The following RAB11FIP4 variants were observed in gnomAD, a reference collection of about 807,000 sequenced individuals.
RAB11FIP4 encodes rab11 family-interacting protein 4.
A neutral mutation model predicts 74.3 loss-of-function variants in RAB11FIP4; 23 were observed. That is an observed-to-expected ratio of 0.31 (90% CI 0.22 to 0.44). RAB11FIP4 has a LOEUF of 0.44. RAB11FIP4 is among the 20% of genes least tolerant of loss of function. The pLI is 1.00. For missense variants in RAB11FIP4, 630 were observed against 863.9 expected, an observed-to-expected ratio of 0.73 and a Z score of 3.39; for synonymous variants, 360 against 359.9, an observed-to-expected ratio of 1.00 and a Z score of 0.00.
At chr17:31,510,335 C>A (rs544196156) in intron 3 of RAB11FIP4, among the ~76,000 whole-genome samples, 3 of 152,364 alleles carry the variant, frequency 2.0e-5, no homozygotes. Flanking sequence ...CTCCCCTACA[C>A]TAGGCTTAGT....
At chr17:31,504,840 T>G (rs73988073) in intron 3 of RAB11FIP4, among the ~76,000 whole-genome samples, 29,832 of 152,014 alleles carry the variant, frequency 0.2, 3,198 homozygotes, top group East Asian at 0.51. Context: ...TGTCTCTCAG[T>G]TAATCTAGAA....
chr17:31,521,861 G>A (rs1180246794), intron 5 of RAB11FIP4, 54 bp from the exon 6 acceptor site: 20 of 1,607,178 alleles, frequency 1.2e-5, no homozygotes, highest in Non-Finnish European at 1.6e-5. Context: ...GGGTGGTGTA[G>A]GGCACCAGAC....
chr17:31,431,130 G>A (rs1049313573), intron 1 of RAB11FIP4, among the ~76,000 whole-genome samples: 1 of 152,174 alleles, frequency 6.6e-6, no homozygotes, highest in Admixed American at 6.5e-5. Flanking sequence ...CAGCTATTAG[G>A]GGTGGTGAAG....
At chr17:31,501,082 T>C (rs2072211636) in intron 3 of RAB11FIP4, among the ~76,000 whole-genome samples, 1 of 152,032 alleles carries the variant, frequency 6.6e-6, no homozygotes, top group South Asian at 2.1e-4. Flanking sequence ...GTTTATAGAA[T>C]GCCATCCTGA....
chr17:31,455,972 T>C lies in RAB11FIP4; in HGVS notation c.336+21850T>C, dbSNP rs375606761. Among the ~76,000 whole-genome samples the C allele has an allele frequency of 7.2e-5, 11 of 152,322 alleles. No homozygotes were observed. In the East Asian group the frequency reaches 1.2e-3, roughly 16 times the overall value. ...AGAGGCTCAGCTCTGACATGTGATA[T>C]CGGAGAAAGTCAGTCATCTTCAGCA... On this transcript the variant is annotated intron_variant, in intron 3 of 14. Transcript: ENST00000621161.
chr17:31,391,729 CG>C lies in RAB11FIP4; in HGVS notation c.-121del. The stretch of plus-strand genomic sequence containing the variant: ...GACACGGATCGGCCGCGGCCGCCAC[CG>C]GGCGGAGGCTGCGCGGCGCAGACCC... On this transcript the variant is annotated 5_prime_UTR_variant, in exon 1 of 15. Transcript: ENST00000621161. 3 of 741,994 alleles carry C rather than the reference CG, an allele frequency of 4.0e-6. No individual in the cohort carries two copies. Among genetic ancestry groups the C allele is most frequent in the Non-Finnish European group, 4.9e-6 (3 of 608,944 alleles). 46.0% of individuals were successfully genotyped at this position (741,994 alleles called of 1,614,324 possible).
intron 6 of RAB11FIP4, 88 bp from the exon 7 acceptor site, chr17:31,522,272 C>T (rs1471302303): frequency 7.0e-7 from 1 of 1,422,732 alleles, no homozygotes; most frequent in Admixed American, 1.8e-5. Flanking sequence ...AGAGCCTTGT[C>T]CTGCACTGTG....
At chr17:31,434,190 C>A in intron 3 of RAB11FIP4, 68 bp downstream of exon 3, 1 of 1,308,460 alleles carries the variant, frequency 7.6e-7, no homozygotes, top group Non-Finnish European at 1.1e-6. Context: ...GCCTTTGCTC[C>A]ATTTTCAGTA....
chr17:31,537,300 A>C lies in RAB11FIP4; in HGVS notation c.*5568A>C. The stretch of plus-strand genomic sequence containing the variant: ...GCTCTCCCGGGCACATTCGTCCACA[A>C]GGATCAGGCCCCACTTACCCTTGGC... On this transcript the variant is annotated 3_prime_UTR_variant, in exon 15 of 15. Coordinates refer to ENST00000621161, the MANE Select transcript of RAB11FIP4 (RefSeq NM_032932.6). 1 of 398,532 alleles carries C rather than the reference A, an allele frequency of 2.5e-6. No homozygotes were observed. The highest frequency in any genetic ancestry group is 4.4e-6 in the Non-Finnish European group (1 of 226,086). 24.7% of individuals were successfully genotyped at this position (398,532 alleles called of 1,614,324 possible).
rs150584736 is a variant in RAB11FIP4 at position 31,450,955 on chromosome 17, T to C, written c.336+16833T>C. 4.6e-5 allele frequency among the ~76,000 whole-genome samples: 7 copies of C among 152,108 alleles called. 1 individual carries two copies. Among genetic ancestry groups the C allele is most frequent in the Non-Finnish European group, 1.0e-4 (7 of 67,992 alleles). On this transcript the variant is annotated intron_variant, in intron 3 of 14. Transcript: ENST00000621161. ...GTCACTCTGACCAAGGATCAAGTCA[T>C]CCTTAATTTCTTTCCTCCTTCCACA...
chr17:31,482,878 CAT>C (rs1201973644), intron 3 of RAB11FIP4, among the ~76,000 whole-genome samples: 2 of 152,048 alleles, frequency 1.3e-5, no homozygotes, highest in African/African-American at 4.8e-5. Context: ...CTTTTCCACA[CAT>C]AGAGCCCCAG....
At chr17:31,464,351 C>T (rs551666702) in intron 3 of RAB11FIP4, among the ~76,000 whole-genome samples, 6 of 152,220 alleles carry the variant, frequency 3.9e-5, no homozygotes, top group South Asian at 4.1e-4. Context: ...TATTTTTATT[C>T]CTCCCTCTGG....
chr17:31,410,354 AC>A (rs1482001016), intron 1 of RAB11FIP4, among the ~76,000 whole-genome samples: 1 of 152,056 alleles, frequency 6.6e-6, no homozygotes, highest in Non-Finnish European at 1.5e-5. Flanking sequence ...TGAAGGAGAA[AC>A]ATACCTGCAC....
chr17:31,433,872 G>A (rs2071333016), intron 2 of RAB11FIP4, among the ~76,000 whole-genome samples, 162 bp from the exon 3 acceptor site: 1 of 152,126 alleles, frequency 6.6e-6, no homozygotes, highest in African/African-American at 2.4e-5. Flanking sequence ...GTTCCCCACC[G>A]CCTGGGCTCC....
chr17:31,497,226 T>C lies in RAB11FIP4; in HGVS notation c.337-20425T>C, dbSNP rs571285540. Among the ~76,000 whole-genome samples the C allele has an allele frequency of 1.7e-4, 26 of 152,078 alleles. No homozygotes were observed. In the South Asian group the frequency reaches 5.0e-3, roughly 29 times the overall value. On this transcript the variant is annotated intron_variant, in intron 3 of 14. Coordinates refer to ENST00000621161, the MANE Select transcript of RAB11FIP4 (RefSeq NM_032932.6). ...TGAAAATACAAAAATCAGCCCGGCG[T>C]GGTGGCAGGCGCCTGTAATCCCAGC...
chr17:31,409,560 G>C (rs17826694), intron 1 of RAB11FIP4, among the ~76,000 whole-genome samples: 33,445 of 152,028 alleles, frequency 0.22, 4,221 homozygotes, highest in East Asian at 0.42. Context: ...TTGCAACGTT[G>C]GGTAGAAAGA....
intron 1 of RAB11FIP4, among the ~76,000 whole-genome samples, chr17:31,413,305 C>G (rs1249979113): frequency 6.6e-6 from 1 of 152,098 alleles, no homozygotes; most frequent in Non-Finnish European, 1.5e-5. Flanking sequence ...CCCATGTAAC[C>G]TTAAATAATG....
chr17:31,506,295 TAC>T (rs145715143), intron 3 of RAB11FIP4, among the ~76,000 whole-genome samples: 2 of 152,326 alleles, frequency 1.3e-5, no homozygotes, highest in East Asian at 3.9e-4. Flanking sequence ...ATTTAGAGAG[TAC>T]AGTCTGATGT....
chr17:31,471,373 G>A (rs2071735278), intron 3 of RAB11FIP4, among the ~76,000 whole-genome samples: 1 of 151,946 alleles, frequency 6.6e-6, no homozygotes, highest in Admixed American at 6.6e-5. Context: ...CTGGAAATGG[G>A]AGTTTTTTAA....
Sources: allele counts gnomAD v4.1 joint callset (sites outside exome capture counted in the v4.1 genomes callset), GRCh38; gene constraint gnomAD v4.1.1; transcripts MANE v1.5; gene names NCBI Gene and HGNC (gene_info 2026-07-23, HGNC 2026-07-21).